CLVS1: variants seen among roughly 807,000 people sequenced by gnomAD.
The protein encoded by CLVS1 is clavesin-1.
A neutral mutation model predicts 33.1 loss-of-function variants in CLVS1; 10 were observed. That is an observed-to-expected ratio of 0.30 (90% CI 0.19 to 0.51). The LOEUF (loss-of-function observed/expected upper bound fraction) is 0.51, where lower values mean the gene tolerates loss of function less well. CLVS1 is among the 20% of genes least tolerant of loss of function. The pLI is 0.97. For synonymous variants in CLVS1, 163 were observed against 166.1 expected, an observed-to-expected ratio of 0.98 and a Z score of 0.14; for missense variants, 343 against 433.4, an observed-to-expected ratio of 0.79 and a Z score of 1.85.
At chr8:61,215,295 A>G (rs1484741639) in intron 2 of CLVS1, among the ~76,000 whole-genome samples, 1 of 152,196 alleles carries the variant, frequency 6.6e-6, no homozygotes, top group African/African-American at 2.4e-5. Flanking sequence ...ATAAAAGTAT[A>G]ATTATACTTT....
intron 2 of CLVS1, among the ~76,000 whole-genome samples, chr8:61,134,297 C>A (rs780021082): frequency 6.6e-6 from 1 of 152,216 alleles, no homozygotes; most frequent in Admixed American, 6.5e-5. Context: ...TTGCCAGGTG[C>A]GCCTCGAAGC....
chr8:61,292,117 G>GTTTT, intron 1 of CLVS1: 1 of 251,850 alleles, frequency 4.0e-6, no homozygotes, highest in Non-Finnish European at 8.0e-6. Flanking sequence ...GCAAAGAAAA[G>GTTTT]TTTTTTTTTT....
In CLVS1 at chr8:61,156,790, GA is replaced by G. The variant is rs1467156686; in HGVS notation, c.-152+24934del. ...TGTAGAGTTTATGAAGGGGAAATAG[GA>G]AAATAAAAATTGGTCAGGCCACTTA... is the stretch of plus-strand genomic sequence containing the variant. On this transcript the variant is annotated intron_variant, in intron 2 of 2. Transcript: ENST00000522621. Among the ~76,000 whole-genome samples, 4 of 152,116 alleles carry G rather than the reference GA, an allele frequency of 2.6e-5. No individual in the cohort carries two copies. In the South Asian group the frequency reaches 6.2e-4, roughly 24 times the overall value.
At chr8:61,463,885 G>C (rs1817455886) in intron 5 of CLVS1, among the ~76,000 whole-genome samples, 1 of 151,826 alleles carries the variant, frequency 6.6e-6, no homozygotes, top group African/African-American at 2.4e-5. Flanking sequence ...TGGGCAACAT[G>C]GTGAAACCCC....
chr8:61,198,494 G>A (rs888788204), intron 2 of CLVS1, among the ~76,000 whole-genome samples: 33 of 152,132 alleles, frequency 2.2e-4, no homozygotes, highest in South Asian at 2.1e-4. Flanking sequence ...ATTCTCCTGC[G>A]TCAGCCTTCC....
At chr8:61,146,798 C>T (rs906768688) in intron 2 of CLVS1, among the ~76,000 whole-genome samples, 5 of 152,190 alleles carry the variant, frequency 3.3e-5, no homozygotes, top group African/African-American at 9.7e-5. Context: ...CTGTAGTTTG[C>T]TCTATCTGTC....
Position 61,074,379 on chromosome 8 carries a change from TA to T in CLVS1, c.-243+17150del, listed in dbSNP as rs1563392850. On this transcript the variant is annotated intron_variant, in intron 1 of 2. Transcript: ENST00000522621. ...GTGTGTGTATATATATATATATAAG[TA>T]TATGTGTATATATATATGTTATATA... Among the ~76,000 whole-genome samples the T allele has an allele frequency of 3.7e-4, 47 of 125,888 alleles. 5 individuals are homozygous for T. The highest frequency in any genetic ancestry group is 9.4e-4 in the African/African-American group (31 of 32,882). 82.6% of individuals were successfully genotyped at this position (125,888 alleles called of 152,430 possible).
intron 5 of CLVS1, among the ~76,000 whole-genome samples, chr8:61,483,454 C>A (rs1264635637): frequency 2.6e-5 from 4 of 152,138 alleles, no homozygotes; most frequent in East Asian, 1.9e-4. Flanking sequence ...TAATTAATAG[C>A]CTACCAACCA....
upstream of CLVS1, among the ~76,000 whole-genome samples, chr8:61,055,654 A>G (rs1252848353): frequency 6.6e-6 from 1 of 152,220 alleles, no homozygotes; most frequent in African/African-American, 2.4e-5. Context: ...GTAGAAGCAG[A>G]CAGGCCTTCC....
intron 2 of CLVS1, among the ~76,000 whole-genome samples, chr8:61,319,065 C>T (rs969174349): frequency 1.3e-5 from 2 of 151,648 alleles, no homozygotes; most frequent in African/African-American, 4.8e-5. Flanking sequence ...TTTAAATTTT[C>T]TTCCAGATTA....
chr8:61,253,692 C>G (rs1451037620), intron 2 of CLVS1, among the ~76,000 whole-genome samples: 1 of 152,284 alleles, frequency 6.6e-6, no homozygotes, highest in African/African-American at 2.4e-5. Flanking sequence ...CACTGATACC[C>G]TTTCTTCCAG....
At chr8:61,128,112 G>T (rs1806009407) in intron 1 of CLVS1, among the ~76,000 whole-genome samples, 1 of 152,236 alleles carries the variant, frequency 6.6e-6, no homozygotes, top group Non-Finnish European at 1.5e-5. Context: ...TTTGATGTCA[G>T]CATAGCCAAA....
At chr8:61,342,986 T>C (rs987314675) in intron 2 of CLVS1, among the ~76,000 whole-genome samples, 2 of 152,242 alleles carry the variant, frequency 1.3e-5, no homozygotes, top group Non-Finnish European at 2.9e-5. Context: ...TTAAAAAGTC[T>C]GAATTTTTTA....
chr8:61,226,243 A>G (rs1462516727), intron 2 of CLVS1, among the ~76,000 whole-genome samples: 4 of 152,234 alleles, frequency 2.6e-5, no homozygotes, highest in Non-Finnish European at 4.4e-5. Context: ...CAAGCTGGTC[A>G]TATCATTAGT....
chr8:61,290,457 A>C (rs148184681), intron 1 of CLVS1, among the ~76,000 whole-genome samples: 1 of 152,210 alleles, frequency 6.6e-6, no homozygotes, highest in African/African-American at 2.4e-5. Context: ...GTGTCATCAT[A>C]TATTTTTGTA....
chr8:61,419,251 G>A (rs542920759), intron 3 of CLVS1, among the ~76,000 whole-genome samples: 4 of 151,886 alleles, frequency 2.6e-5, no homozygotes, highest in Non-Finnish European at 4.4e-5. Flanking sequence ...ACGAAAATTA[G>A]CTGGGCATGG....
intron 2 of CLVS1, among the ~76,000 whole-genome samples, chr8:61,226,769 G>T (rs1808339369): frequency 6.6e-6 from 1 of 152,128 alleles, no homozygotes; most frequent in African/African-American, 2.4e-5. Context: ...CAAACTGGGG[G>T]GAAAGATAAC....
rs193046022 is a variant in CLVS1, at chr8:61,086,104, G to T, written c.-243+28874G>T. ...TAGCTTGTTGTGGTGGTGTGTGACT[G>T]TAATCCCAGCTACTCAGGAGGCTGA... On this transcript the variant is annotated intron_variant, in intron 1 of 2. Coordinates refer to the CLVS1 transcript ENST00000522621. Among the ~76,000 whole-genome samples, 237 of 130,912 alleles carry T rather than the reference G, an allele frequency of 1.8e-3. 1 individual carries two copies. Among genetic ancestry groups the T allele is most frequent in the Middle Eastern group, 4.5e-3 (1 of 222 alleles). 85.9% of individuals were successfully genotyped at this position (130,912 alleles called of 152,430 possible).
intron 2 of CLVS1, among the ~76,000 whole-genome samples, chr8:61,201,011 C>T (rs1164092939): frequency 6.6e-6 from 1 of 152,130 alleles, no homozygotes; most frequent in Admixed American, 6.6e-5. Context: ...TACTAAATTG[C>T]AATCCTTTCA....
Sources: allele counts gnomAD v4.1 joint callset (sites outside exome capture counted in the v4.1 genomes callset), GRCh38; gene constraint gnomAD v4.1.1; transcripts MANE v1.5; gene names NCBI Gene and HGNC (gene_info 2026-07-23, HGNC 2026-07-21).